SNX13: variants seen among roughly 807,000 people sequenced by gnomAD.
The protein encoded by SNX13 is sorting nexin 13, also known as sorting nexin-13.
Under a neutral mutation model 133.6 loss-of-function variants are expected in SNX13, and 45 were observed. The ratio of observed to expected loss-of-function variants is 0.34; its 90% confidence interval spans 0.27 to 0.43. The LOEUF (loss-of-function observed/expected upper bound fraction) is 0.43. Among genes scored for constraint, SNX13 ranks in the 20% least tolerant of loss-of-function variants. The probability of loss-of-function intolerance (pLI) is 1.00; values close to 1 mark genes in which losing one functional copy is unlikely to be tolerated. For synonymous variants in SNX13, 414 were observed against 373.9 expected (o/e 1.11, Z -1.24); for missense variants, 1,032 against 1,145.1 (o/e 0.90, Z 1.43).
chr7:17,852,717 TAAG>T (rs1791380793), intron 9 of SNX13, among the ~76,000 whole-genome samples: 1 of 152,210 alleles, frequency 6.6e-6, no homozygotes, highest in African/African-American at 2.4e-5. Context: ...TGTATGATAA[TAAG>T]AATGATCATA....
At chr7:17,831,035 T>C in intron 15 of SNX13, 2 of 984,362 alleles carry the variant, frequency 2.0e-6, no homozygotes, top group African/African-American at 1.7e-5. Context: ...ATAAGTAAAA[T>C]AGTTATCTAT....
intron 11 of SNX13, among the ~76,000 whole-genome samples, chr7:17,848,008 G>A (rs1790751831): frequency 6.6e-6 from 1 of 152,144 alleles, no homozygotes; most frequent in South Asian, 2.1e-4. Flanking sequence ...AAAAGCCTGA[G>A]CCCACAGTCC....
intron 8 of SNX13, among the ~76,000 whole-genome samples, chr7:17,870,461 A>C (rs896462131): frequency 1.3e-5 from 2 of 152,248 alleles, no homozygotes; most frequent in Non-Finnish European, 2.9e-5. Flanking sequence ...TCCTCACTTA[A>C]TTAGATTCAA....
At chr7:17,905,707 G>A (rs899090342) in intron 1 of SNX13, among the ~76,000 whole-genome samples, 21 of 152,100 alleles carry the variant, frequency 1.4e-4, no homozygotes, top group Non-Finnish European at 2.6e-4. Context: ...GTACCCACAG[G>A]GAAAGTACTC....
chr7:17,833,229 T>C (rs984245887), intron 15 of SNX13, among the ~76,000 whole-genome samples: 4 of 151,654 alleles, frequency 2.6e-5, no homozygotes, highest in African/African-American at 9.7e-5. Flanking sequence ...ATTTGGAAGC[T>C]TGTGTTCTAA....
chr7:17,915,256 G>A (rs775453549), intron 1 of SNX13, among the ~76,000 whole-genome samples: 38 of 152,100 alleles, frequency 2.5e-4, no homozygotes, highest in African/African-American at 3.9e-4. Flanking sequence ...CAGGACCCCC[G>A]CCCCTCTATG....
intron 22 of SNX13, among the ~76,000 whole-genome samples, chr7:17,799,986 C>A (rs1524777): frequency 6.6e-6 from 1 of 151,422 alleles, no homozygotes; most frequent in African/African-American, 2.4e-5. Context: ...TTCACTGTCA[C>A]GTTACAAACA....
chr7:17,806,764 T>A (rs1193200937), intron 20 of SNX13, among the ~76,000 whole-genome samples: 1 of 151,964 alleles, frequency 6.6e-6, no homozygotes, highest in Non-Finnish European at 1.5e-5. Flanking sequence ...ACCCAGCTCA[T>A]CTCACTGGGA....
At chr7:17,929,638 C>T (rs894625243) in intron 1 of SNX13, among the ~76,000 whole-genome samples, 6 of 152,100 alleles carry the variant, frequency 3.9e-5, no homozygotes, top group African/African-American at 1.2e-4. Flanking sequence ...TGACAAGAAC[C>T]ATAGTACTTC....
At chr7:17,836,917 G>A (rs1050207353) in intron 13 of SNX13, among the ~76,000 whole-genome samples, 10 of 151,892 alleles carry the variant, frequency 6.6e-5, no homozygotes, top group Admixed American at 5.9e-4. Flanking sequence ...TTTCTATCGA[G>A]TCCATGATGC....
intron 1 of SNX13, among the ~76,000 whole-genome samples, chr7:17,909,437 T>C (rs1163690664): frequency 1.3e-5 from 2 of 151,996 alleles, no homozygotes; most frequent in African/African-American, 2.4e-5. Context: ...GTAGCAAAAA[T>C]ATGGATTCAA....
chr7:17,933,380 A>G (rs902530146), intron 1 of SNX13, among the ~76,000 whole-genome samples: 2 of 152,132 alleles, frequency 1.3e-5, no homozygotes, highest in Admixed American at 1.3e-4. Flanking sequence ...CGTCTCTACT[A>G]AAAACACAAA....
intron 1 of SNX13, among the ~76,000 whole-genome samples, chr7:17,913,195 AC>A (rs1188887344): frequency 5.3e-5 from 8 of 152,190 alleles, no homozygotes; most frequent in African/African-American, 4.8e-5. Flanking sequence ...CAAAGGAAAC[AC>A]AAGTGTGGTG....
rs78216111 is a variant in SNX13, at chr7:17,843,304, G to T, written c.1165+2291C>A. Among the ~76,000 whole-genome samples the T allele has an allele frequency of 4.3e-3, 653 of 152,106 alleles. 1 individual carries two copies. The highest frequency in any genetic ancestry group is 0.015 in the African/African-American group (621 of 41,552). The stretch of plus-strand genomic sequence containing the variant: ...GGCTACACTAGTATCAGCTGAAATA[G>T]ACTTTAAATCAAAAATGGTTAAGAT... On this transcript the variant is annotated intron_variant, in intron 12 of 25. Transcript: ENST00000428135.
intron 9 of SNX13, among the ~76,000 whole-genome samples, chr7:17,867,370 G>A (rs903331719): frequency 6.6e-6 from 1 of 152,204 alleles, no homozygotes; most frequent in Middle Eastern, 3.2e-3. Flanking sequence ...ACTTCGGGAG[G>A]CTGAGGCAGG....
chr7:17,921,027 C>G (rs1027849867), intron 1 of SNX13, among the ~76,000 whole-genome samples: 10 of 152,152 alleles, frequency 6.6e-5, no homozygotes, highest in Admixed American at 2.6e-4. Flanking sequence ...CAGCCTCCCC[C>G]GCCAGTGTTA....
chr7:17,856,810 AAG>A (rs1791952851), intron 9 of SNX13, among the ~76,000 whole-genome samples: 1 of 149,636 alleles, frequency 6.7e-6, no homozygotes, highest in South Asian at 2.1e-4. Flanking sequence ...AAAAGAAAGA[AAG>A]AAAGAAAAGA....
At chr7:17,936,828 G>GA (rs893032639) in intron 1 of SNX13, among the ~76,000 whole-genome samples, 170 of 115,998 alleles carry the variant, frequency 1.5e-3, no homozygotes, top group East Asian at 9.5e-3. Flanking sequence ...TAGGGGAAAA[G>GA]AAAAAAAAAA....
At chr7:17,893,613 A>T (rs1372997629) in intron 2 of SNX13, among the ~76,000 whole-genome samples, 179 bp from the exon 3 acceptor site, 2 of 152,238 alleles carry the variant, frequency 1.3e-5, no homozygotes, top group Non-Finnish European at 2.9e-5. Context: ...GTTTAAAACA[A>T]CTATGAACAT....
Sources: gnomAD v4.1 joint callset for allele counts (sites outside exome capture counted in the v4.1 genomes callset) on GRCh38, gnomAD v4.1.1 for gene constraint, MANE v1.5 for transcripts, NCBI Gene and HGNC (gene_info 2026-07-23, HGNC 2026-07-21) for gene names.